Variants in HMBOX1 observed in about 807,000 individuals in gnomAD.
HMBOX1 encodes the protein homeobox-containing protein 1.
In HMBOX1, 14 loss-of-function variants were observed where a neutral mutation model predicts 54.5. That is an observed-to-expected ratio of 0.26 (90% CI 0.17 to 0.40). The LOEUF is 0.40. HMBOX1 is among the 10% of genes least tolerant of loss of function. HMBOX1 has a pLI of 1.00. For missense variants in HMBOX1, 332 were observed against 514.4 expected (o/e 0.65, Z 3.43); for synonymous variants, 160 against 181.0 (o/e 0.88, Z 0.93).
intron 1 of HMBOX1, among the ~76,000 whole-genome samples, chr8:28,930,556 T>G (rs547782137): frequency 6.6e-6 from 1 of 152,322 alleles, no homozygotes; most frequent in East Asian, 1.9e-4. Flanking sequence ...CAAATATCAC[T>G]GTGGTTGTTA....
chr8:28,976,793 G>A (rs956669861), intron 3 of HMBOX1, among the ~76,000 whole-genome samples: 3 of 148,208 alleles, frequency 2.0e-5, no homozygotes, highest in Non-Finnish European at 3.0e-5. Flanking sequence ...TGCAACCTCC[G>A]CCTCTGGGGT....
intron 4 of HMBOX1, among the ~76,000 whole-genome samples, chr8:28,987,082 A>G (rs1456202793): frequency 6.6e-6 from 1 of 152,296 alleles, no homozygotes; most frequent in East Asian, 1.9e-4. Context: ...TGTAAATACT[A>G]GGAAGACTCA....
intron 1 of HMBOX1, among the ~76,000 whole-genome samples, chr8:28,919,775 T>G (rs1817218017): frequency 6.6e-6 from 1 of 152,246 alleles, no homozygotes; most frequent in African/African-American, 2.4e-5. Flanking sequence ...TAGTATATAA[T>G]TTGTATTTTT....
intron 1 of HMBOX1, among the ~76,000 whole-genome samples, chr8:28,947,512 G>A (rs569882554): frequency 6.1e-4 from 93 of 152,258 alleles, no homozygotes; most frequent in African/African-American, 2.1e-3. Flanking sequence ...GACTGATGAT[G>A]CATCAAAGCT....
chr8:29,008,813 T>C (rs1833823850), intron 4 of HMBOX1, among the ~76,000 whole-genome samples: 1 of 152,210 alleles, frequency 6.6e-6, no homozygotes, highest in Admixed American at 6.5e-5. Flanking sequence ...CATGGACCTT[T>C]TTTGGAGATT....
intron 4 of HMBOX1, 98 bp downstream of exon 4, chr8:28,980,254 G>C: frequency 2.2e-6 from 2 of 891,352 alleles, no homozygotes; most frequent in Non-Finnish European, 3.8e-6. Flanking sequence ...TTGCAGTGCA[G>C]ATCTGTCAAC....
intron 1 of HMBOX1, chr8:28,891,157 A>AG (rs1289481039): frequency 6.6e-6 from 1 of 152,588 alleles, no homozygotes; most frequent in African/African-American, 2.4e-5. Context: ...GCCTGGGCTG[A>AG]GGGGCGGGCG....
At chr8:28,990,707 G>A (rs1785172142) in intron 4 of HMBOX1, among the ~76,000 whole-genome samples, 1 of 152,076 alleles carries the variant, frequency 6.6e-6, no homozygotes, top group South Asian at 2.1e-4. Context: ...CCAGGCTGGA[G>A]TGGAGTGGCG....
intron 6 of HMBOX1, among the ~76,000 whole-genome samples, chr8:29,031,094 T>C (rs1178199123): frequency 6.6e-6 from 1 of 152,248 alleles, no homozygotes; most frequent in Non-Finnish European, 1.5e-5. Context: ...TAAAACTTGT[T>C]TCAGTGCCTT....
At position 29,045,512 on chromosome 8, in the gene HMBOX1, C is replaced by T. The variant is rs1441092439; in HGVS notation, c.934+69C>T. 1.1e-5 allele frequency: 13 copies of T among 1,232,636 alleles called. No homozygotes were observed. The South Asian group carries it at 1.2e-4, about 11-fold the overall frequency. 76.4% of individuals were successfully genotyped at this position (1,232,636 alleles called of 1,614,324 possible). A position where few individuals can be genotyped will look rare whatever the true frequency, so the allele number is the denominator to read the frequency against. The stretch of plus-strand genomic sequence containing the variant: ...CTTGGTTACAGGTTGGCATCTAGGA[C>T]ACTTAATCTTATGCGTGCCTTGGCA... On this transcript the variant is annotated intron_variant, in intron 7 of 9. Transcript: ENST00000287701.
intron 1 of HMBOX1, among the ~76,000 whole-genome samples, chr8:28,898,286 A>C (rs993883244): frequency 2.0e-5 from 3 of 152,344 alleles, no homozygotes; most frequent in Non-Finnish European, 4.4e-5. Context: ...GAATATGACA[A>C]ATATTGATGG....
chr8:28,921,843 A>G (rs1377902224), intron 1 of HMBOX1, among the ~76,000 whole-genome samples: 2 of 152,234 alleles, frequency 1.3e-5, no homozygotes, highest in East Asian at 1.9e-4. Flanking sequence ...ATTTATGGAG[A>G]TAGAGAAGAC....
At chr8:29,006,976 T>G (rs890037570) in intron 4 of HMBOX1, among the ~76,000 whole-genome samples, 3 of 152,190 alleles carry the variant, frequency 2.0e-5, no homozygotes, top group South Asian at 2.1e-4. Context: ...TCATGGTGGT[T>G]GTTTTCTTCA....
chr8:28,905,617 G>A (rs1003787854), intron 1 of HMBOX1, among the ~76,000 whole-genome samples: 2 of 152,202 alleles, frequency 1.3e-5, no homozygotes, highest in African/African-American at 4.8e-5. Flanking sequence ...CTATCTAGAA[G>A]TGATTCAGTT....
At chr8:28,891,999 CTCCT>C (rs949155076) in intron 1 of HMBOX1, among the ~76,000 whole-genome samples, 7 of 152,016 alleles carry the variant, frequency 4.6e-5, no homozygotes, top group Admixed American at 3.9e-4. Context: ...CCTATCCTCC[CTCCT>C]TCCTTCCTTC....
intron 1 of HMBOX1, among the ~76,000 whole-genome samples, chr8:28,938,376 A>C (rs2131985747): frequency 6.6e-6 from 1 of 152,324 alleles, no homozygotes; most frequent in East Asian, 1.9e-4. Context: ...GCCACTTAGG[A>C]AGGGCTGCAG....
chr8:28,924,403 C>T (rs868255488), intron 1 of HMBOX1, among the ~76,000 whole-genome samples: 5 of 151,514 alleles, frequency 3.3e-5, no homozygotes, highest in East Asian at 1.9e-4. Flanking sequence ...CCACCATGCC[C>T]GGCCCTGCAC....
intron 1 of HMBOX1, among the ~76,000 whole-genome samples, chr8:28,897,986 A>T (rs1812491282): frequency 6.6e-6 from 1 of 152,224 alleles, no homozygotes; most frequent in Non-Finnish European, 1.5e-5. Context: ...GTTAGGTACA[A>T]GTTAAAGGAT....
intron 1 of HMBOX1, among the ~76,000 whole-genome samples, chr8:28,917,066 C>CAAAA (rs35179018): frequency 1.4e-5 from 1 of 70,976 alleles, no homozygotes; most frequent in African/African-American, 5.4e-5. Context: ...GACCCTGTCT[C>CAAAA]AAAAAAAAAA....
Sources: allele counts gnomAD v4.1 joint callset (sites outside exome capture counted in the v4.1 genomes callset), GRCh38; gene constraint gnomAD v4.1.1; transcripts MANE v1.5; gene names NCBI Gene and HGNC (gene_info 2026-07-23, HGNC 2026-07-21).